TRPM3: variants seen among roughly 807,000 people sequenced by gnomAD.
The protein encoded by TRPM3 is transient receptor potential cation channel subfamily M member 3, also known as long transient receptor potential channel 3.
In TRPM3, 77 loss-of-function variants were observed where a neutral mutation model predicts 181.2. That is an observed-to-expected ratio of 0.42 (90% CI 0.35 to 0.51). The LOEUF (loss-of-function observed/expected upper bound fraction) is 0.51. TRPM3 is among the 20% of genes least tolerant of loss of function. TRPM3 has a pLI of 0.01. For missense variants in TRPM3, 1,759 were observed against 2,196.7 expected (o/e 0.80, Z 3.98); for synonymous variants, 745 against 796.4 (o/e 0.94, Z 1.09).
chr9:71,299,123 C>CAG (rs1317940361), intron 1 of TRPM3, among the ~76,000 whole-genome samples: 1 of 152,148 alleles, frequency 6.6e-6, no homozygotes, highest in Non-Finnish European at 1.5e-5. Context: ...ATTGTGCTTG[C>CAG]AGAGTACAGT....
In TRPM3 at chr9:70,625,695, C is replaced by G. The variant is rs1376731799; in HGVS notation, c.1633-178G>C. On this transcript the variant is annotated intron_variant, in intron 12 of 25. Transcript: ENST00000677713. This position sits in a 1 kb window ranked among gnomAD's most constrained non-coding sequence, Gnocchi z 4.8. ...CCCAGGCACTAGGAACTAGGTTTCC[C>G]CAGATGCTCCCCAAGCCCGCATTTC... 6.6e-6 allele frequency among the ~76,000 whole-genome samples: 1 copy of G among 152,104 alleles called. No homozygotes were observed. The highest frequency in any genetic ancestry group is 2.4e-5 in the African/African-American group (1 of 41,402).
chr9:71,436,705 G>T (rs920040556), intron 1 of TRPM3, among the ~76,000 whole-genome samples: 3 of 152,146 alleles, frequency 2.0e-5, no homozygotes, highest in Non-Finnish European at 4.4e-5. Flanking sequence ...GCTTCTAGAA[G>T]CTGGAAAAGG....
At chr9:71,296,422 G>A (rs1432509084) in intron 1 of TRPM3, among the ~76,000 whole-genome samples, 2 of 152,072 alleles carry the variant, frequency 1.3e-5, no homozygotes, top group Admixed American at 6.6e-5. Context: ...TGTAACATTT[G>A]ACCTAGACTA....
intron 1 of TRPM3, among the ~76,000 whole-genome samples, chr9:70,891,857 T>C (rs776454541): frequency 1.3e-5 from 2 of 152,210 alleles, no homozygotes; most frequent in African/African-American, 2.4e-5. Flanking sequence ...TTCTGAAGAT[T>C]TGCTGAAGAC....
chr9:71,379,721 C>T (rs2092752596), intron 1 of TRPM3, among the ~76,000 whole-genome samples: 1 of 151,538 alleles, frequency 6.6e-6, no homozygotes, highest in Admixed American at 6.6e-5. Context: ...CAAATAAATA[C>T]TTGGTCAGTC....
intron 25 of TRPM3, among the ~76,000 whole-genome samples, chr9:70,539,435 C>G (rs2042673659): frequency 6.6e-6 from 1 of 151,848 alleles, no homozygotes; most frequent in African/African-American, 2.4e-5. Context: ...CTTCACCCAG[C>G]CAAAGGTCCC....
At chr9:71,337,291 C>A (rs576477443) in intron 1 of TRPM3, among the ~76,000 whole-genome samples, 9 of 152,190 alleles carry the variant, frequency 5.9e-5, no homozygotes, top group African/African-American at 2.2e-4. Context: ...AGACAATTAT[C>A]AAAAGACATT....
At chr9:71,033,745 C>G (rs1350764724) in intron 1 of TRPM3, among the ~76,000 whole-genome samples, 1 of 152,148 alleles carries the variant, frequency 6.6e-6, no homozygotes, top group Non-Finnish European at 1.5e-5. Context: ...TTGTACATTT[C>G]TATGATTATC....
intron 1 of TRPM3, among the ~76,000 whole-genome samples, chr9:71,420,787 AAG>A (rs1264016417): frequency 1.3e-4 from 6 of 47,098 alleles, no homozygotes; most frequent in African/African-American, 3.8e-4. Flanking sequence ...AAGAGAGAGA[AAG>A]AGAGAGAAAG....
intron 1 of TRPM3, among the ~76,000 whole-genome samples, chr9:71,045,253 A>T (rs2059303493): frequency 6.6e-6 from 1 of 151,744 alleles, no homozygotes; most frequent in East Asian, 1.9e-4. Context: ...TTTATTTTTT[A>T]AATGCTTTCA....
intron 1 of TRPM3, among the ~76,000 whole-genome samples, chr9:70,891,020 G>A (rs903619407): frequency 6.6e-6 from 1 of 151,912 alleles, no homozygotes; most frequent in Non-Finnish European, 1.5e-5. Context: ...GGGGCCTGTC[G>A]TGGGGTGGGG....
intron 1 of TRPM3, among the ~76,000 whole-genome samples, chr9:71,003,698 G>A (rs900836448): frequency 6.6e-6 from 1 of 152,098 alleles, no homozygotes; most frequent in East Asian, 1.9e-4. Flanking sequence ...GTTCGGTATC[G>A]TTTTATTTTA....
intron 1 of TRPM3, among the ~76,000 whole-genome samples, chr9:71,056,737 G>C (rs1398012959): frequency 6.6e-6 from 1 of 152,026 alleles, no homozygotes; most frequent in Non-Finnish European, 1.5e-5. Flanking sequence ...ACCAATGAGA[G>C]AGGCCTCAGA....
chr9:71,035,796 G>C (rs772348058), intron 1 of TRPM3, among the ~76,000 whole-genome samples: 20 of 152,016 alleles, frequency 1.3e-4, no homozygotes, highest in Non-Finnish European at 2.5e-4. Context: ...ACTTGCTGTA[G>C]TAAGGACCTC....
intron 1 of TRPM3, among the ~76,000 whole-genome samples, chr9:70,933,815 G>A (rs1176882248): frequency 6.6e-6 from 1 of 151,980 alleles, no homozygotes; most frequent in Non-Finnish European, 1.5e-5. Context: ...TAGAGAAAAG[G>A]CATAACTTAT....
chr9:71,133,969 G>A (rs2074549422), intron 1 of TRPM3, among the ~76,000 whole-genome samples: 1 of 81,466 alleles, frequency 1.2e-5, no homozygotes, highest in Non-Finnish European at 2.4e-5. Context: ...TAAACTGTGT[G>A]TGTTTGTGTG....
intron 1 of TRPM3, among the ~76,000 whole-genome samples, chr9:71,430,726 G>A (rs549994201): frequency 3.3e-5 from 5 of 152,178 alleles, no homozygotes; most frequent in East Asian, 1.9e-4. Context: ...CAGGAGAATC[G>A]CTTGAACTCA....
chr9:70,555,479 A>G (rs2047467798), intron 22 of TRPM3, among the ~76,000 whole-genome samples: 1 of 152,214 alleles, frequency 6.6e-6, no homozygotes, highest in Admixed American at 6.5e-5. Context: ...GCACCTGTAC[A>G]GGACGAATGT....
intron 1 of TRPM3, among the ~76,000 whole-genome samples, chr9:70,909,634 A>G (rs553211660): frequency 6.6e-6 from 1 of 152,258 alleles, no homozygotes; most frequent in East Asian, 1.9e-4. Flanking sequence ...CATGCACATA[A>G]ATTGGGTACA....
Sources: gnomAD v4.1 joint callset for allele counts (sites outside exome capture counted in the v4.1 genomes callset) on GRCh38, gnomAD v4.1.1 for gene constraint, Gnocchi (gnomAD v3.1) non-coding constraint, MANE v1.5 for transcripts, NCBI Gene and HGNC (gene_info 2026-07-23, HGNC 2026-07-21) for gene names.